ADGRV1: variants seen among roughly 807,000 people sequenced by gnomAD.
ADGRV1 encodes the protein G-protein coupled receptor 98.
A neutral mutation model predicts 596.2 loss-of-function variants in ADGRV1; 359 were observed. The observed-to-expected ratio is 0.60, with a 90% CI of 0.55 to 0.66. The LOEUF (loss-of-function observed/expected upper bound fraction) is 0.66, where lower values mean the gene tolerates loss of function less well. ADGRV1 is among the 30% of genes least tolerant of loss of function. The pLI, the probability that ADGRV1 is intolerant of heterozygous loss-of-function variation, is 0.00. For missense variants in ADGRV1, 7,274 were observed against 7,575.6 expected, an observed-to-expected ratio of 0.96 and a Z score of 1.48; for synonymous variants, 2,681 against 2,679.2, an observed-to-expected ratio of 1.00 and a Z score of -0.02.
chr5:90,823,868 T>C (rs1763833308), intron 76 of ADGRV1, among the ~76,000 whole-genome samples: 1 of 152,230 alleles, frequency 6.6e-6, no homozygotes, highest in African/African-American at 2.4e-5. Context: ...CTTTTATTTG[T>C]ATTCTTGGTA....
At chr5:90,931,822 C>T (rs932837622) in intron 83 of ADGRV1, among the ~76,000 whole-genome samples, 11 of 151,920 alleles carry the variant, frequency 7.2e-5, no homozygotes, top group Non-Finnish European at 1.2e-4. Flanking sequence ...AATCCTTTAC[C>T]GTATATTGGC....
In ADGRV1 at chr5:90,635,146, T is replaced by C. The variant is rs1318551181; in HGVS notation, c.1872T>C (p.Pro624=). The C allele has an allele frequency of 1.2e-6, 2 of 1,606,764 alleles. No homozygotes were observed. The highest frequency in any genetic ancestry group is 2.2e-5 in the East Asian group (1 of 44,826). The change falls in exon 10 of 90, where the codon CCT becomes CCC. Residue 624 remains proline, a synonymous_variant. Transcript: ENST00000405460. ...LETVELLNII[P]LIPPISPRFG... Reference sequence around the variant, plus strand: ...CTGTGGAGTTGTTAAACATAATTCCTCTAATCCCACCCATAAGCCCTAGAT... The same window carrying C: ...CTGTGGAGTTGTTAAACATAATTCCCCTAATCCCACCCATAAGCCCTAGAT...
At chr5:90,781,275 A>G (rs568240572) in intron 64 of ADGRV1, 155 bp from the exon 65 acceptor site, 1 of 688,124 alleles carries the variant, frequency 1.5e-6, no homozygotes, top group African/African-American at 1.8e-5. Context: ...CAGGAAAAAG[A>G]GAATATTTTA....
chr5:90,933,284 G>A (rs1183575482), intron 83 of ADGRV1, among the ~76,000 whole-genome samples: 1 of 152,124 alleles, frequency 6.6e-6, no homozygotes, highest in Non-Finnish European at 1.5e-5. Context: ...ATGACAAAGG[G>A]TAATGTTGTA....
At chr5:90,838,897 T>C in intron 77 of ADGRV1, among the ~76,000 whole-genome samples, 1 of 152,170 alleles carries the variant, frequency 6.6e-6, no homozygotes, top group Non-Finnish European at 1.5e-5. Flanking sequence ...AAAAAAGTCC[T>C]ATTGACTCTA....
Position 91,102,200 on chromosome 5 carries a change from CT to C in ADGRV1, c.18311-9del, listed in dbSNP as rs140911567. ...TGCAGTATTCTGAAGCTCAAAAATT[CT>C]TTTTTTTTTATTTCTAGAAATTCCA... On this transcript the variant is annotated intron_variant, in intron 86 of 89. Coordinates refer to ENST00000405460, the MANE Select transcript of ADGRV1 (RefSeq NM_032119.4). 2.7e-3 allele frequency: 3,697 copies of C among 1,365,544 alleles called. No homozygotes were observed. Among genetic ancestry groups the C allele is most frequent in the Admixed American group, 4.7e-3 (231 of 49,136 alleles). 84.6% of individuals were successfully genotyped at this position (1,365,544 alleles called of 1,614,324 possible). A position where few individuals can be genotyped will look rare whatever the true frequency, so the allele number is the denominator to read the frequency against.
At chr5:90,873,505 A>AC (rs1360658735) in intron 83 of ADGRV1, among the ~76,000 whole-genome samples, 1 of 152,018 alleles carries the variant, frequency 6.6e-6, no homozygotes, top group Non-Finnish European at 1.5e-5. Flanking sequence ...CTAAGCCCCA[A>AC]CCCCCCGTTT....
rs73771105 is a variant in ADGRV1 at position 90,871,955 on chromosome 5, G to T, written c.17856+8098G>T. Among the ~76,000 whole-genome samples, 3 of 152,310 alleles carry T rather than the reference G, an allele frequency of 2.0e-5. No individual in the cohort carries two copies. In the East Asian group the frequency reaches 5.8e-4, roughly 29 times the overall value. On this transcript the variant is annotated intron_variant, in intron 83 of 89. Coordinates refer to ENST00000405460, the MANE Select transcript of ADGRV1 (RefSeq NM_032119.4). ...TCATGTTCAAATGCCCAAGACACAAGATCCGAGGAAGGAGATTTCAGAAGA... is the reference window on the plus strand; with the variant it reads ...TCATGTTCAAATGCCCAAGACACAATATCCGAGGAAGGAGATTTCAGAAGA...
At chr5:90,621,411 C>A (rs940122871) in intron 4 of ADGRV1, among the ~76,000 whole-genome samples, 2 of 152,178 alleles carry the variant, frequency 1.3e-5, no homozygotes, top group African/African-American at 4.8e-5. Flanking sequence ...CGGTAACCTC[C>A]ATTATACTGT....
Position 90,924,233 on chromosome 5 carries a change from T to A in ADGRV1, c.17857-41182T>A, listed in dbSNP as rs1404079360. Among the ~76,000 whole-genome samples the A allele has an allele frequency of 1.4e-4, 22 of 151,822 alleles. 1 individual carries two copies. The highest frequency in any genetic ancestry group is 5.1e-4 in the African/African-American group (21 of 41,128). On this transcript the variant is annotated intron_variant, in intron 83 of 89. Transcript: ENST00000405460. ...TGACTTCCACAATGGTTGAACTAGT[T>A]TACAGTCCCACCAACAGTGTAAAAG... is the stretch of plus-strand genomic sequence containing the variant.
Position 90,864,147 on chromosome 5 carries a change from T to C in ADGRV1, c.17856+290T>C, listed in dbSNP as rs368371420. Among the ~76,000 whole-genome samples, 8 of 152,136 alleles carry C rather than the reference T, an allele frequency of 5.3e-5. No individual in the cohort carries two copies. In the East Asian group the frequency reaches 1.5e-3, roughly 29 times the overall value. On this transcript the variant is annotated intron_variant, in intron 83 of 89. Coordinates refer to ENST00000405460, the MANE Select transcript of ADGRV1 (RefSeq NM_032119.4). ...ATATGCTGAATGTATTTGTAATTTA[T>C]ATATACATTAAAATTAACATTTTAT...
Position 90,793,430 on chromosome 5 carries a change from G to GT in ADGRV1, c.14517+2085dup, listed in dbSNP as rs771049223. The GT allele has an allele frequency of 7.9e-5, 12 of 152,290 alleles. No individual in the cohort carries two copies. In the East Asian group the frequency reaches 2.3e-3, roughly 29 times the overall value. The allele number at this position is 152,290 out of a possible 1,614,324, so 9.4% of individuals were successfully genotyped here. A position where few individuals can be genotyped will look rare whatever the true frequency, so the allele number is the denominator to read the frequency against. On this transcript the variant is annotated intron_variant, in intron 70 of 89. Coordinates refer to ENST00000405460, the MANE Select transcript of ADGRV1 (RefSeq NM_032119.4). Reference sequence around the variant, plus strand: ...CAGAAATAGCTGGTATCATTTTATAGTAAGTTTTCATTTGACAATAAGGCA... The same window carrying GT: ...CAGAAATAGCTGGTATCATTTTATAGTTAAGTTTTCATTTGACAATAAGGCA...
chr5:90,934,571 C>A (rs1366928724), intron 83 of ADGRV1, among the ~76,000 whole-genome samples: 1 of 152,122 alleles, frequency 6.6e-6, no homozygotes, highest in Non-Finnish European at 1.5e-5. Flanking sequence ...CCATCCTGAA[C>A]CTTGTCCATG....
At chr5:90,639,447 C>A (rs189596897) in intron 11 of ADGRV1, among the ~76,000 whole-genome samples, 1 of 152,164 alleles carries the variant, frequency 6.6e-6, no homozygotes, top group African/African-American at 2.4e-5. Context: ...TCTTTATATT[C>A]TTTCTAACTA....
At position 90,790,853 on chromosome 5, in the gene ADGRV1, G is replaced by GT. The variant is rs1759992317; in HGVS notation, c.14044-13dup. ...ATACTGAATTATATAACTTTGTTGA[G>GT]TTTTTTTCTTTTATTTTAGGTTTAC... is the stretch of plus-strand genomic sequence containing the variant. On this transcript the variant is annotated intron_variant, in intron 69 of 89. Transcript: ENST00000405460. 6.6e-7 allele frequency: 1 copy of GT among 1,523,076 alleles called. No homozygotes were observed. The highest frequency in any genetic ancestry group is 8.9e-7 in the Non-Finnish European group (1 of 1,121,874). The allele number at this position is 1,523,076 out of a possible 1,614,324, so 94.3% of individuals were successfully genotyped here.
intron 78 of ADGRV1, among the ~76,000 whole-genome samples, chr5:90,844,468 A>G (rs1765689638): frequency 6.6e-6 from 1 of 152,188 alleles, no homozygotes; most frequent in Non-Finnish European, 1.5e-5. Flanking sequence ...TCTGTATGAA[A>G]TCCAGCTGTG....
chr5:90,673,405 A>G (rs1309189366), intron 22 of ADGRV1, among the ~76,000 whole-genome samples: 1 of 152,198 alleles, frequency 6.6e-6, no homozygotes, highest in African/African-American at 2.4e-5. Context: ...TCAACGTATC[A>G]TATATGATGT....
At chr5:91,120,281 T>C (rs1582117293) in intron 87 of ADGRV1, among the ~76,000 whole-genome samples, 1 of 152,202 alleles carries the variant, frequency 6.6e-6, no homozygotes, top group East Asian at 1.9e-4. Flanking sequence ...CAGCCAGATC[T>C]TCTGATTTTT....
intron 8 of ADGRV1, 150 bp downstream of exon 8, chr5:90,628,982 C>A (rs1244945193): frequency 1.3e-6 from 1 of 749,392 alleles, no homozygotes; most frequent in African/African-American, 1.8e-5. Context: ...CTCAGTATTC[C>A]TTCTGAAAAT....
Sources: allele counts gnomAD v4.1 joint callset (sites outside exome capture counted in the v4.1 genomes callset), GRCh38; gene constraint gnomAD v4.1.1; transcripts MANE v1.5; gene names NCBI Gene and HGNC (gene_info 2026-07-23, HGNC 2026-07-21).